Variants in RGL1 observed in about 807,000 individuals in gnomAD.
The protein encoded by RGL1 is ral guanine nucleotide dissociation stimulator-like 1.
In RGL1, 24 loss-of-function variants were observed where a neutral mutation model predicts 95.2. The ratio of observed to expected loss-of-function variants is 0.25; its 90% CI spans 0.18 to 0.35. The LOEUF (loss-of-function observed/expected upper bound fraction) is 0.35, where lower values mean the gene tolerates loss of function less well. RGL1 is among the 10% of genes least tolerant of loss of function. The pLI, the probability that RGL1 is intolerant of heterozygous loss-of-function variation, is 1.00. For synonymous variants in RGL1, 329 were observed against 344.9 expected (o/e 0.95, Z 0.51); for missense variants, 715 against 936.3 (o/e 0.76, Z 3.08).
At chr1:183,831,792 T>TATGAATA (rs1404042816) in intron 2 of RGL1, among the ~76,000 whole-genome samples, 14 of 152,310 alleles carry the variant, frequency 9.2e-5, no homozygotes, top group African/African-American at 3.1e-4. Flanking sequence ...TTTCTAGAGA[T>TATGAATA]TTAAATATGA....
intron 2 of RGL1, among the ~76,000 whole-genome samples, chr1:183,820,469 A>T (rs899983978): frequency 6.6e-6 from 1 of 152,086 alleles, no homozygotes; most frequent in African/African-American, 2.4e-5. Flanking sequence ...TGGGGCTTGC[A>T]TGAGGACCCT....
At chr1:183,653,130 CCT>C (rs1558135059) in intron 1 of RGL1, 2 of 151,980 alleles carry the variant, frequency 1.3e-5, no homozygotes, top group Non-Finnish European at 2.9e-5. Context: ...TGGTCCATTT[CCT>C]TTTTTTTCTC....
intron 2 of RGL1, among the ~76,000 whole-genome samples, chr1:183,743,021 T>C (rs1361095641): frequency 1.3e-5 from 2 of 151,742 alleles, no homozygotes; most frequent in Non-Finnish European, 2.9e-5. Context: ...TATGTTTTTG[T>C]TTTTTTTGGA....
At chr1:183,830,734 A>G (rs1267345289) in intron 2 of RGL1, among the ~76,000 whole-genome samples, 1 of 152,158 alleles carries the variant, frequency 6.6e-6, no homozygotes, top group Non-Finnish European at 1.5e-5. Context: ...ATAACCAAAT[A>G]TAGAATTAAT....
At chr1:183,666,302 G>C (rs1038612345) in intron 1 of RGL1, among the ~76,000 whole-genome samples, 1 of 151,760 alleles carries the variant, frequency 6.6e-6, no homozygotes, top group African/African-American at 2.4e-5. Flanking sequence ...ACCGCGCCTG[G>C]GCCTAGGTCT....
intron 1 of RGL1, among the ~76,000 whole-genome samples, chr1:183,706,557 A>G (rs1470868806): frequency 1.3e-5 from 2 of 152,178 alleles, no homozygotes; most frequent in Non-Finnish European, 2.9e-5. Flanking sequence ...GGCTGCTCAC[A>G]GTCTGACTTC....
At chr1:183,871,094 T>G (rs558853904) in intron 4 of RGL1, among the ~76,000 whole-genome samples, 1 of 152,258 alleles carries the variant, frequency 6.6e-6, no homozygotes, top group Non-Finnish European at 1.5e-5. Context: ...ATTTAGCTTT[T>G]TCTTTCTCTC....
chr1:183,861,317 G>A (rs1291808615), intron 3 of RGL1, among the ~76,000 whole-genome samples: 1 of 152,104 alleles, frequency 6.6e-6, no homozygotes, highest in Admixed American at 6.6e-5. Context: ...GTTAGCAAGG[G>A]CCCCCACTAG....
At chr1:183,854,482 A>G (rs1310646765) in intron 3 of RGL1, among the ~76,000 whole-genome samples, 1 of 152,180 alleles carries the variant, frequency 6.6e-6, no homozygotes, top group Non-Finnish European at 1.5e-5. Flanking sequence ...ACATACCAAT[A>G]ACCAGCAAAA....
intron 3 of RGL1, among the ~76,000 whole-genome samples, chr1:183,856,266 T>C (rs1008852093): frequency 3.3e-5 from 5 of 151,786 alleles, no homozygotes; most frequent in Non-Finnish European, 5.9e-5. Context: ...CCAAAAAAAC[T>C]TGGATGGGTT....
At chr1:183,721,642 G>A (rs545242278) in intron 1 of RGL1, among the ~76,000 whole-genome samples, 18 of 152,296 alleles carry the variant, frequency 1.2e-4, no homozygotes, top group East Asian at 5.8e-4. Flanking sequence ...ATACAAATGC[G>A]CACTCTAATT....
At chr1:183,791,877 T>C (rs12049037) in intron 2 of RGL1, among the ~76,000 whole-genome samples, 5,845 of 152,322 alleles carry the variant, frequency 0.038, 126 homozygotes, top group East Asian at 0.08. Flanking sequence ...TCTTCAATGA[T>C]GAGTGCATCT....
chr1:183,734,919 G>C (rs1244739073), intron 1 of RGL1, among the ~76,000 whole-genome samples: 1 of 152,218 alleles, frequency 6.6e-6, no homozygotes, highest in Non-Finnish European at 1.5e-5. Context: ...CCAGACGGCT[G>C]CACTGAATGG....
At chr1:183,852,530 C>T (rs534630850) in intron 3 of RGL1, among the ~76,000 whole-genome samples, 6 of 152,280 alleles carry the variant, frequency 3.9e-5, no homozygotes, top group African/African-American at 1.4e-4. Context: ...AGTTAAAAAT[C>T]TGGCCAGGCG....
At chr1:183,714,230 A>G (rs1293558038) in intron 1 of RGL1, among the ~76,000 whole-genome samples, 1 of 152,186 alleles carries the variant, frequency 6.6e-6, no homozygotes, top group East Asian at 1.9e-4. Context: ...ACTTAACCCT[A>G]CTACTGGGTT....
At chr1:183,743,926 T>G (rs534820572) in intron 2 of RGL1, among the ~76,000 whole-genome samples, 5 of 152,150 alleles carry the variant, frequency 3.3e-5, no homozygotes, top group Admixed American at 1.3e-4. Context: ...GGTGAGAAGT[T>G]TGGAGGACTA....
chr1:183,887,175 T>TTCCTTCCTTCCTTCCTTCCTTC (rs1558272497), intron 7 of RGL1, among the ~76,000 whole-genome samples: 8 of 1,438 alleles, frequency 5.6e-3, no homozygotes, highest in East Asian at 0.029. Context: ...TCCCTCCCTC[T>TTCCTTCCTTCCTTCCTTCCTTC]TTTCCTCCCT....
intron 2 of RGL1, among the ~76,000 whole-genome samples, chr1:183,821,532 T>C (rs182864820): frequency 1.1e-4 from 16 of 152,348 alleles, no homozygotes; most frequent in African/African-American, 3.8e-4. Flanking sequence ...GGAGGCCTGG[T>C]CTGCTCTGTA....
chr1:183,698,529 C>T (rs1654388359), intron 1 of RGL1, among the ~76,000 whole-genome samples: 1 of 152,234 alleles, frequency 6.6e-6, no homozygotes, highest in Admixed American at 6.5e-5. Flanking sequence ...ATCTTTGTCT[C>T]ATCTGAAATA....
Sources: allele counts gnomAD v4.1 joint callset (sites outside exome capture counted in the v4.1 genomes callset), GRCh38; gene constraint gnomAD v4.1.1; transcripts MANE v1.5; gene names NCBI Gene and HGNC (gene_info 2026-07-23, HGNC 2026-07-21).